The following OXR1 variants were observed in gnomAD, a reference collection of about 807,000 sequenced individuals.
The protein encoded by OXR1 is oxidation resistance protein 1.
A neutral mutation model predicts 104.6 loss-of-function variants in OXR1; 41 were observed. The ratio of observed to expected loss-of-function variants is 0.39; its 90% CI spans 0.31 to 0.51. The LOEUF (loss-of-function observed/expected upper bound fraction) is 0.51. Among genes scored for constraint, OXR1 ranks in the 20% least tolerant of loss-of-function variants. The pLI, the probability that OXR1 is intolerant of heterozygous loss-of-function variation, is 0.77. For missense variants in OXR1, 955 were observed against 1,031.9 expected (o/e 0.93, Z 1.02); for synonymous variants, 348 against 348.4 (o/e 1.00, Z 0.01).
At chr8:106,366,226 C>A (rs1380798848) in intron 2 of OXR1, among the ~76,000 whole-genome samples, 1 of 152,184 alleles carries the variant, frequency 6.6e-6, no homozygotes, top group Non-Finnish European at 1.5e-5. Flanking sequence ...TAGATTTATG[C>A]TTTGAAATAA....
chr8:106,667,978 A>AG (rs1238506144), intron 3 of OXR1, among the ~76,000 whole-genome samples: 1 of 151,818 alleles, frequency 6.6e-6, no homozygotes, highest in Non-Finnish European at 1.5e-5. Flanking sequence ...AAAAAAAAAA[A>AG]AAGAAAAAAA....
At chr8:106,280,520 C>T (rs919841050) in intron 1 of OXR1, among the ~76,000 whole-genome samples, 7 of 152,240 alleles carry the variant, frequency 4.6e-5, no homozygotes, top group Admixed American at 1.3e-4. Context: ...TCTTCTGTGT[C>T]TCTGACTCAA....
chr8:106,545,586 C>A (rs935338133), intron 3 of OXR1, among the ~76,000 whole-genome samples: 3 of 152,146 alleles, frequency 2.0e-5, no homozygotes, highest in African/African-American at 7.2e-5. Flanking sequence ...AGTAACTAAC[C>A]ATTAGACCTT....
chr8:106,314,044 A>G (rs1216111911), intron 1 of OXR1, among the ~76,000 whole-genome samples: 1 of 152,202 alleles, frequency 6.6e-6, no homozygotes, highest in Non-Finnish European at 1.5e-5. Context: ...TTCTGTCATC[A>G]TACACATTCA....
chr8:106,364,444 G>A (rs1816382009), intron 2 of OXR1, among the ~76,000 whole-genome samples: 1 of 152,018 alleles, frequency 6.6e-6, no homozygotes, highest in South Asian at 2.1e-4. Flanking sequence ...TGCATGGATG[G>A]TGGCGCACAC....
intron 3 of OXR1, among the ~76,000 whole-genome samples, chr8:106,644,482 T>C (rs1823914013): frequency 6.6e-6 from 1 of 152,234 alleles, no homozygotes; most frequent in Non-Finnish European, 1.5e-5. Context: ...ATGTATTTCT[T>C]GTTCCTCTTA....
intron 1 of OXR1, chr8:106,272,456 TGA>T (rs923636467): frequency 6.6e-6 from 1 of 152,248 alleles, no homozygotes; most frequent in Non-Finnish European, 1.5e-5. Context: ...GTCCAGTCCC[TGA>T]GATCTTGTGT....
At chr8:106,367,065 T>C (rs141005067) in intron 2 of OXR1, among the ~76,000 whole-genome samples, 1 of 188 alleles carries the variant, frequency 5.3e-3, no homozygotes, top group East Asian at 0.036. Flanking sequence ...TATGTTTCCC[T>C]TTTTTTTTTT....
chr8:106,511,477 C>T (rs564922749), intron 2 of OXR1, among the ~76,000 whole-genome samples: 4 of 152,232 alleles, frequency 2.6e-5, no homozygotes, highest in South Asian at 2.1e-4. Flanking sequence ...GAAAGGACTA[C>T]GAGTGTTCGG....
intron 1 of OXR1, among the ~76,000 whole-genome samples, chr8:106,293,694 T>C (rs1298349940): frequency 6.6e-6 from 1 of 152,180 alleles, no homozygotes; most frequent in Non-Finnish European, 1.5e-5. Context: ...TTTTACTGTA[T>C]CCTCACGTGG....
At chr8:106,743,209 A>T (rs1563766970) in intron 15 of OXR1, among the ~76,000 whole-genome samples, 1 of 152,240 alleles carries the variant, frequency 6.6e-6, no homozygotes, top group Non-Finnish European at 1.5e-5. Flanking sequence ...AGAGAAATGC[A>T]TATCAAAACC....
At chr8:106,324,479 A>T (rs989178489) in intron 1 of OXR1, among the ~76,000 whole-genome samples, 5 of 152,014 alleles carry the variant, frequency 3.3e-5, no homozygotes, top group Non-Finnish European at 1.5e-5. Flanking sequence ...TACCTATGTA[A>T]TAAACCTTCA....
At chr8:106,558,526 C>T (rs1257276760) in intron 3 of OXR1, among the ~76,000 whole-genome samples, 1 of 152,206 alleles carries the variant, frequency 6.6e-6, no homozygotes, top group Non-Finnish European at 1.5e-5. Flanking sequence ...TATTCTGATA[C>T]ACAATGGTTA....
At chr8:106,708,696 A>G (rs1831395827) in intron 9 of OXR1, among the ~76,000 whole-genome samples, 1 of 152,088 alleles carries the variant, frequency 6.6e-6, no homozygotes, top group Admixed American at 6.6e-5. Context: ...TGGTTGTTTC[A>G]ACCTTTTGGC....
intron 2 of OXR1, among the ~76,000 whole-genome samples, chr8:106,416,983 T>A (rs1201156466): frequency 6.6e-6 from 1 of 152,104 alleles, no homozygotes; most frequent in East Asian, 1.9e-4. Flanking sequence ...AGAATGTTAA[T>A]TAACGTGACA....
chr8:106,678,309 A>G (rs1827805370), intron 3 of OXR1, among the ~76,000 whole-genome samples: 1 of 151,998 alleles, frequency 6.6e-6, no homozygotes, highest in Non-Finnish European at 1.5e-5. Flanking sequence ...AATGAAATAG[A>G]TATTTTCTAG....
At chr8:106,714,132 T>C (rs1832000721) in intron 11 of OXR1, 147 bp downstream of exon 11, 4 of 596,810 alleles carry the variant, frequency 6.7e-6, no homozygotes, top group Non-Finnish European at 1.1e-5. Flanking sequence ...TTTGTGGTTA[T>C]TGAATGAATC....
At chr8:106,413,042 A>G (rs1818522904) in intron 2 of OXR1, among the ~76,000 whole-genome samples, 1 of 152,134 alleles carries the variant, frequency 6.6e-6, no homozygotes, top group Admixed American at 6.6e-5. Context: ...TGACTGACTT[A>G]GAACATTTTT....
intron 3 of OXR1, among the ~76,000 whole-genome samples, chr8:106,536,634 A>C (rs1814561821): frequency 6.6e-6 from 1 of 152,124 alleles, no homozygotes; most frequent in African/African-American, 2.4e-5. Context: ...TTTTTTTTTA[A>C]TTTTTGTGGG....
Sources: allele counts gnomAD v4.1 joint callset (sites outside exome capture counted in the v4.1 genomes callset), GRCh38; gene constraint gnomAD v4.1.1; transcripts MANE v1.5; gene names NCBI Gene and HGNC (gene_info 2026-07-23, HGNC 2026-07-21).